MYRIP: variants seen among roughly 807,000 people sequenced by gnomAD.
MYRIP encodes the protein myosin VIIA and Rab interacting protein, also known as rab effector MyRIP.
Under a neutral mutation model 98.0 loss-of-function variants are expected in MYRIP, and 49 were observed. That is an observed-to-expected ratio of 0.50 (90% CI 0.40 to 0.63). MYRIP has a LOEUF of 0.63. Among genes scored for constraint, MYRIP ranks in the 30% least tolerant of loss-of-function variants. The pLI is 0.00. For missense variants in MYRIP, 1,004 were observed against 1,058.2 expected, an observed-to-expected ratio of 0.95 and a Z score of 0.71; for synonymous variants, 404 against 409.5, an observed-to-expected ratio of 0.99 and a Z score of 0.16.
chr3:39,923,938 A>T (rs1012328062), intron 2 of MYRIP, among the ~76,000 whole-genome samples: 1 of 152,134 alleles, frequency 6.6e-6, no homozygotes, highest in South Asian at 2.1e-4. Flanking sequence ...GATGTATGTT[A>T]TGGCTATAAA....
At chr3:39,960,444 G>A (rs1054669069) in intron 2 of MYRIP, among the ~76,000 whole-genome samples, 1 of 152,068 alleles carries the variant, frequency 6.6e-6, no homozygotes, top group South Asian at 2.1e-4. Context: ...TAAACTTTTT[G>A]CTAATAATTG....
intron 2 of MYRIP, among the ~76,000 whole-genome samples, chr3:39,964,120 C>A (rs1489121364): frequency 1.3e-5 from 2 of 152,048 alleles, no homozygotes; most frequent in East Asian, 3.9e-4. Context: ...TCACCTGATG[C>A]ATTTAAAATG....
Position 40,177,462 on chromosome 3 carries a change from G to A in MYRIP, c.874-4758G>A, listed in dbSNP as rs188730795. On this transcript the variant is annotated intron_variant, in intron 8 of 16. Coordinates refer to ENST00000302541, the MANE Select transcript of MYRIP (RefSeq NM_015460.4). ...AATGACCCAGACACCTTTGGCTTAA[G>A]AAATAACCATGCAGAATCCCCAATC... 1.3e-3 allele frequency among the ~76,000 whole-genome samples: 201 copies of A among 152,304 alleles called. 1 individual carries two copies. Among genetic ancestry groups the A allele is most frequent in the Admixed American group, 2.4e-3 (37 of 15,302 alleles).
chr3:40,189,715 G>C lies in MYRIP; in HGVS notation c.1028-111G>C. On this transcript the variant is annotated intron_variant, in intron 9 of 16. Transcript: ENST00000302541. ...CTTCCTGGGCTTCCTAAAGGCAACT[G>C]CTCTCCAACAGCCCCACAAGCCACT... is the stretch of plus-strand genomic sequence containing the variant. The C allele has an allele frequency of 2.5e-6, 3 of 1,186,360 alleles. No individual in the cohort carries two copies. In the South Asian group the frequency reaches 4.5e-5, roughly 18 times the overall value. The allele number at this position is 1,186,360 out of a possible 1,614,324, so 73.5% of individuals were successfully genotyped here. A position where few individuals can be genotyped will look rare whatever the true frequency, so the allele number is the denominator to read the frequency against.
chr3:40,078,590 T>C (rs1948408135), intron 3 of MYRIP, among the ~76,000 whole-genome samples: 1 of 152,238 alleles, frequency 6.6e-6, no homozygotes, highest in Non-Finnish European at 1.5e-5. Context: ...TGAGTGTACC[T>C]ATCCCAAACA....
chr3:40,256,033 G>T (rs73827183), intron 16 of MYRIP, among the ~76,000 whole-genome samples: 2,946 of 152,292 alleles, frequency 0.019, 75 homozygotes, highest in African/African-American at 0.062. Context: ...GTCTATATCT[G>T]CAGTGACCAG....
chr3:40,220,942 T>C (rs13326625), intron 11 of MYRIP, among the ~76,000 whole-genome samples: 21,061 of 149,162 alleles, frequency 0.14, 3,134 homozygotes, highest in African/African-American at 0.38. Context: ...ACCTCCAATA[T>C]TGGGGATTAC....
At chr3:39,902,872 C>G (rs1341842841) in intron 2 of MYRIP, among the ~76,000 whole-genome samples, 1 of 152,112 alleles carries the variant, frequency 6.6e-6, no homozygotes, top group Admixed American at 6.5e-5. Flanking sequence ...AAATGGGCAC[C>G]GTCTATCTCA....
At chr3:40,247,444 G>A (rs897215569) in intron 13 of MYRIP, among the ~76,000 whole-genome samples, 1 of 152,002 alleles carries the variant, frequency 6.6e-6, no homozygotes, top group East Asian at 1.9e-4. Context: ...TTTTATATCT[G>A]AGGAAACTTA....
At chr3:40,036,124 A>G (rs1019965066) in intron 2 of MYRIP, among the ~76,000 whole-genome samples, 1 of 151,812 alleles carries the variant, frequency 6.6e-6, no homozygotes, top group East Asian at 1.9e-4. Context: ...AGTTTTAAAA[A>G]TGACGAAGAG....
intron 3 of MYRIP, among the ~76,000 whole-genome samples, chr3:40,072,416 A>G (rs1469516418): frequency 6.6e-6 from 1 of 152,082 alleles, no homozygotes; most frequent in Admixed American, 6.6e-5. Context: ...AATGCTGCCC[A>G]GGCTGGTCTC....
At chr3:40,239,666 G>A (rs1262121430) in intron 12 of MYRIP, among the ~76,000 whole-genome samples, 4 of 150,560 alleles carry the variant, frequency 2.7e-5, no homozygotes, top group Non-Finnish European at 5.9e-5. Flanking sequence ...CAGTGATGAT[G>A]AGCATTTTTT....
At chr3:40,071,958 G>A (rs1478361595) in intron 3 of MYRIP, among the ~76,000 whole-genome samples, 1 of 152,046 alleles carries the variant, frequency 6.6e-6, no homozygotes, top group Non-Finnish European at 1.5e-5. Context: ...TAGAAATGAG[G>A]GCCAGACTCT....
intron 11 of MYRIP, among the ~76,000 whole-genome samples, chr3:40,229,586 A>G (rs1464836435): frequency 1.3e-5 from 2 of 151,916 alleles, no homozygotes; most frequent in East Asian, 3.9e-4. Flanking sequence ...AATTGAGGAA[A>G]CTCCATCTCA....
chr3:40,203,322 A>C (rs1033032032), intron 10 of MYRIP, among the ~76,000 whole-genome samples: 1 of 152,144 alleles, frequency 6.6e-6, no homozygotes. Context: ...TTGAGAAAAT[A>C]TGCATTAAAC....
At chr3:40,027,344 C>T (rs1015677306) in intron 2 of MYRIP, among the ~76,000 whole-genome samples, 2 of 152,112 alleles carry the variant, frequency 1.3e-5, no homozygotes, top group Admixed American at 1.3e-4. Context: ...GCAAGGTCCT[C>T]TAAGAGTGGG....
chr3:40,051,564 C>A (rs112241526), intron 3 of MYRIP, among the ~76,000 whole-genome samples: 2 of 151,978 alleles, frequency 1.3e-5, no homozygotes, highest in East Asian at 3.9e-4. Context: ...TTGTGATATT[C>A]GCTTTATTGT....
chr3:39,878,517 T>G (rs1400908770), intron 1 of MYRIP, among the ~76,000 whole-genome samples: 1 of 152,140 alleles, frequency 6.6e-6, no homozygotes, highest in Non-Finnish European at 1.5e-5. Flanking sequence ...ATGCGCCTGG[T>G]ACTTTCAGAA....
chr3:40,060,812 C>G (rs191338180), intron 3 of MYRIP, among the ~76,000 whole-genome samples: 1 of 152,002 alleles, frequency 6.6e-6, no homozygotes, highest in East Asian at 1.9e-4. Context: ...AGGCTGGTCT[C>G]GAACTCCTGA....
Sources: gnomAD v4.1 joint callset for allele counts (sites outside exome capture counted in the v4.1 genomes callset) on GRCh38, gnomAD v4.1.1 for gene constraint, MANE v1.5 for transcripts, NCBI Gene and HGNC (gene_info 2026-07-23, HGNC 2026-07-21) for gene names.